The following CSMD1 variants were observed in gnomAD, a reference collection of about 807,000 sequenced individuals.
The protein encoded by CSMD1 is CUB and Sushi multiple domains 1, also known as CUB and sushi domain-containing protein 1.
In CSMD1, 213 loss-of-function variants were observed where a neutral mutation model predicts 417.5. That is an observed-to-expected ratio of 0.51 (90% CI 0.46 to 0.57). The LOEUF (loss-of-function observed/expected upper bound fraction) is 0.57, where lower values mean the gene tolerates loss of function less well. Ranked by LOEUF, CSMD1 falls within the 20% of genes least tolerant of loss-of-function variation. The probability of loss-of-function intolerance (pLI) is 0.00; values close to 1 mark genes in which losing one functional copy is unlikely to be tolerated. For synonymous variants in CSMD1, 2,862 were observed against 1,736.8 expected, an observed-to-expected ratio of 1.65 and a Z score of -16.11; for missense variants, 6,923 against 4,529.7, an observed-to-expected ratio of 1.53 and a Z score of -15.17.
At chr8:3,306,756 G>GATTTTAAAATTACCTTTTGCC (rs1804885802) in intron 25 of CSMD1, among the ~76,000 whole-genome samples, 1 of 152,010 alleles carries the variant, frequency 6.6e-6, no homozygotes, top group Admixed American at 6.6e-5. Context: ...AAATAAAACT[G>GATTTTAAAATTACCTTTTGCC]ATTTTAAAAT....
intron 5 of CSMD1, among the ~76,000 whole-genome samples, chr8:3,970,752 G>GTT (rs1332272408): frequency 1.3e-5 from 2 of 151,846 alleles, no homozygotes; most frequent in Non-Finnish European, 2.9e-5. Flanking sequence ...CTTGTTTTTT[G>GTT]TTTTTTTGTT....
chr8:3,701,115 T>C (rs886801304), intron 7 of CSMD1, among the ~76,000 whole-genome samples: 1 of 151,966 alleles, frequency 6.6e-6, no homozygotes, highest in African/African-American at 2.4e-5. Context: ...ACAGACTTCT[T>C]CTGTGAGAGG....
chr8:3,300,862 G>A (rs1437999512), intron 25 of CSMD1, among the ~76,000 whole-genome samples: 1 of 150,556 alleles, frequency 6.6e-6, no homozygotes, highest in Non-Finnish European at 1.5e-5. Context: ...AGGACACTGA[G>A]GCAGGAGAAT....
intron 3 of CSMD1, among the ~76,000 whole-genome samples, chr8:4,084,991 C>G (rs545009749): frequency 9.2e-5 from 14 of 151,386 alleles, no homozygotes. Context: ...ACAGCAGGCG[C>G]GTGACAGGGA....
chr8:4,958,686 A>G lies in CSMD1; in HGVS notation c.85+35646T>C, dbSNP rs190054208. ...TGTGAGTTACCATGGAGTTTTTAAG[A>G]ATAATAGACATAATTAGATTTAGTG... is the stretch of plus-strand genomic sequence containing the variant. On this transcript the variant is annotated intron_variant, in intron 1 of 69. Transcript: ENST00000635120. Among the ~76,000 whole-genome samples, 8 of 152,324 alleles carry G rather than the reference A, an allele frequency of 5.3e-5. No homozygotes were observed. In the East Asian group the frequency reaches 1.4e-3, roughly 26 times the overall value.
chr8:4,816,699 C>T (rs971661065), intron 1 of CSMD1, among the ~76,000 whole-genome samples: 1 of 152,120 alleles, frequency 6.6e-6, no homozygotes. Context: ...TAAACTTCTA[C>T]AAAGAAGTGA....
At chr8:4,867,291 T>C (rs1019144933) in intron 1 of CSMD1, among the ~76,000 whole-genome samples, 2 of 152,230 alleles carry the variant, frequency 1.3e-5, no homozygotes, top group African/African-American at 4.8e-5. Context: ...AATGTGCTTC[T>C]GGAAAATTAA....
At chr8:4,145,717 A>G (rs540705598) in intron 3 of CSMD1, among the ~76,000 whole-genome samples, 2 of 151,118 alleles carry the variant, frequency 1.3e-5, no homozygotes, top group East Asian at 1.9e-4. Flanking sequence ...TGAAGAACAT[A>G]TATTTGACTT....
chr8:4,317,765 G>C (rs555171289), intron 3 of CSMD1, among the ~76,000 whole-genome samples: 1 of 152,246 alleles, frequency 6.6e-6, no homozygotes, highest in East Asian at 1.9e-4. Context: ...CTTCCACACT[G>C]CCCCAGAAGT....
At chr8:4,551,962 C>G (rs1049010021) in intron 2 of CSMD1, among the ~76,000 whole-genome samples, 7 of 151,768 alleles carry the variant, frequency 4.6e-5, no homozygotes, top group African/African-American at 9.7e-5. Context: ...GCTGGGACTA[C>G]AGGCATGAGC....
chr8:4,616,035 TA>T (rs751938789), intron 2 of CSMD1, among the ~76,000 whole-genome samples: 1 of 152,152 alleles, frequency 6.6e-6, no homozygotes, highest in Non-Finnish European at 1.5e-5. Flanking sequence ...TCGGATGAAA[TA>T]AACTTAGTTC....
At chr8:3,797,558 A>T (rs12549553) in intron 5 of CSMD1, among the ~76,000 whole-genome samples, 41,696 of 151,722 alleles carry the variant, frequency 0.27, 6,385 homozygotes, top group Non-Finnish European at 0.35. Flanking sequence ...ATTCTGTCTC[A>T]CAATATAATA....
intron 5 of CSMD1, among the ~76,000 whole-genome samples, chr8:3,838,339 C>A (rs1190833252): frequency 6.6e-6 from 1 of 151,724 alleles, no homozygotes; most frequent in Non-Finnish European, 1.5e-5. Flanking sequence ...AGTTCCAGAC[C>A]AGCCTGGGTG....
intron 7 of CSMD1, among the ~76,000 whole-genome samples, chr8:3,685,066 A>G (rs1187984285): frequency 6.6e-6 from 1 of 152,144 alleles, no homozygotes; most frequent in Non-Finnish European, 1.5e-5. Context: ...AATAAAAATA[A>G]GAGATGTCTT....
At chr8:3,097,454 A>C (rs1815393713) in intron 46 of CSMD1, among the ~76,000 whole-genome samples, 1 of 126,266 alleles carries the variant, frequency 7.9e-6, no homozygotes, top group Admixed American at 7.9e-5. Flanking sequence ...TTAAATATAC[A>C]GTAGGCCCCC....
At chr8:4,460,600 C>G (rs1182451869) in intron 2 of CSMD1, among the ~76,000 whole-genome samples, 2 of 148,964 alleles carry the variant, frequency 1.3e-5, no homozygotes, top group African/African-American at 2.6e-5. Context: ...TCTCAAATTA[C>G]TAAAATGGGG....
In CSMD1 at chr8:4,626,925, T is replaced by C. The variant is rs371665010; in HGVS notation, c.302+10417A>G. Among the ~76,000 whole-genome samples, 446 of 152,266 alleles carry C rather than the reference T, an allele frequency of 2.9e-3. 3 individuals carry two copies. The highest frequency in any genetic ancestry group is 4.5e-3 in the Non-Finnish European group (306 of 68,012). On this transcript the variant is annotated intron_variant, in intron 2 of 69. Coordinates refer to ENST00000635120, the MANE Select transcript of CSMD1 (RefSeq NM_033225.6). ...TTATTATTTTTAGTACATTCAAATA[T>C]AAACAAAGTGCATCAGATTTCTCTG...
At chr8:4,044,057 G>C (rs529747044) in intron 3 of CSMD1, among the ~76,000 whole-genome samples, 470 of 152,052 alleles carry the variant, frequency 3.1e-3, no homozygotes, top group African/African-American at 5.1e-3. Context: ...TAGGAGACTG[G>C]GGTTCCTGTC....
chr8:3,757,561 T>A (rs567303724), intron 5 of CSMD1, among the ~76,000 whole-genome samples: 3 of 152,288 alleles, frequency 2.0e-5, no homozygotes, highest in African/African-American at 7.2e-5. Context: ...CTAGCATATA[T>A]GAAGCGATTT....
Sources: gnomAD v4.1 joint callset for allele counts (sites outside exome capture counted in the v4.1 genomes callset) on GRCh38, gnomAD v4.1.1 for gene constraint, MANE v1.5 for transcripts, NCBI Gene and HGNC (gene_info 2026-07-23, HGNC 2026-07-21) for gene names.